Variants in MSTO1 observed in about 807,000 individuals in gnomAD.
MSTO1 encodes protein misato homolog 1.
MSTO1 carries 24 observed loss-of-function variants against 55.7 expected under a neutral mutation model. The ratio of observed to expected loss-of-function variants is 0.43; its 90% CI spans 0.31 to 0.61. The LOEUF (loss-of-function observed/expected upper bound fraction) is 0.61. Ranked by LOEUF, MSTO1 falls within the 20% of genes least tolerant of loss-of-function variation. The probability of loss-of-function intolerance (pLI) is 0.09; values close to 1 mark genes in which losing one functional copy is unlikely to be tolerated. For synonymous variants in MSTO1, 162 were observed against 252.8 expected (o/e 0.64, Z 3.41); for missense variants, 363 against 625.7 (o/e 0.58, Z 4.48).
At chr1:155,575,427 G>A in the MSTO1 span, among the ~76,000 whole-genome samples, 4 of 151,982 alleles carry the variant, frequency 2.6e-5, no homozygotes, top group Non-Finnish European at 5.9e-5. Context: ...AGAAATGCCT[G>A]CTCAAATCTT....
upstream of MSTO1, among the ~76,000 whole-genome samples, chr1:155,606,253 C>G (rs1455696750): frequency 2.6e-5 from 3 of 115,914 alleles, no homozygotes; most frequent in Admixed American, 1.2e-4. Flanking sequence ...AAGACGGGGT[C>G]TCGCCATGTT....
At chr1:155,602,137 T>C in the MSTO1 span, 1 of 712,356 alleles carries the variant, frequency 1.4e-6, no homozygotes, top group Admixed American at 1.8e-5. Context: ...AGCGCTTTGA[T>C]CAACCTTTAG....
At chr1:155,591,332 T>G in the MSTO1 span, 1 of 1,171,840 alleles carries the variant, frequency 8.5e-7, no homozygotes, top group East Asian at 2.5e-5. Flanking sequence ...CACTTAATAT[T>G]AACCATCACG....
chr1:155,611,824 A>G lies in MSTO1; in HGVS notation c.557A>G (p.Asp186Gly). 1 of 650,562 alleles carries G rather than the reference A, an allele frequency of 1.5e-6. No individual in the cohort carries two copies. Among genetic ancestry groups the G allele is most frequent in the Non-Finnish European group, 2.5e-6 (1 of 405,482 alleles). The allele number at this position is 650,562 out of a possible 1,614,324, so 40.3% of individuals were successfully genotyped here. The change falls in exon 6 of 14, where the codon GAT (aspartate) becomes GGT (glycine). Residue 186 changes from aspartate (D) to glycine (G), a missense_variant. Coordinates refer to ENST00000245564, the MANE Select transcript of MSTO1 (RefSeq NM_018116.4). The stretch of plus-strand genomic sequence containing the variant: ...TGTATGATTCAGAAGTACAACCACG[A>G]TGGGTATGGGGACCCCAGAGGCTTT... The part of the protein sequence containing the change: ...SICMIQKYNH[D>G]GEAGRLEAFG...
chr1:155,583,222 CT>C, the MSTO1 span, among the ~76,000 whole-genome samples: 7,660 of 133,760 alleles, frequency 0.057, 526 homozygotes, highest in African/African-American at 0.18. Context: ...GAAGGTATAT[CT>C]TTTTTTTTTT....
chr1:155,612,921 C>G lies in MSTO1; in HGVS notation c.1044C>G (p.Ser348=). ...DTVTVPYRLC[S]SPVSMVHLAD... Reference sequence around the variant, plus strand: ...TCACTGTTCCTTATCGCCTGTGTTCCTCTCCAGTTTCCATGGTTCATCTGG... The same window carrying G: ...TCACTGTTCCTTATCGCCTGTGTTCGTCTCCAGTTTCCATGGTTCATCTGG... Residue 348 remains serine, a synonymous_variant, in exon 10 of 14, where the codon TCC becomes TCG. Coordinates refer to ENST00000245564, the MANE Select transcript of MSTO1 (RefSeq NM_018116.4). 1 of 1,613,892 alleles carries G rather than the reference C, an allele frequency of 6.2e-7. No homozygotes were observed. Among genetic ancestry groups the G allele is most frequent in the Non-Finnish European group, 8.5e-7 (1 of 1,179,774 alleles).
chr1:155,567,570 G>A, the MSTO1 span, among the ~76,000 whole-genome samples: 3 of 151,972 alleles, frequency 2.0e-5, no homozygotes, highest in Non-Finnish European at 4.4e-5. Flanking sequence ...AAAGTGCTGG[G>A]ATTACAGGCG....
chr1:155,596,678 T>A, the MSTO1 span, among the ~76,000 whole-genome samples: 3 of 152,064 alleles, frequency 2.0e-5, no homozygotes, highest in African/African-American at 4.8e-5. Flanking sequence ...TCCAAGCTAC[T>A]CAAGAGGTTT....
At chr1:155,576,275 T>A in the MSTO1 span, among the ~76,000 whole-genome samples, 1 of 152,316 alleles carries the variant, frequency 6.6e-6, no homozygotes, top group Non-Finnish European at 1.5e-5. Context: ...AGTACAAGTG[T>A]CTGATTTGGA....
the MSTO1 span, among the ~76,000 whole-genome samples, chr1:155,567,308 A>ATTTTT: frequency 4.1e-5 from 5 of 123,414 alleles, no homozygotes; most frequent in African/African-American, 1.3e-4. Flanking sequence ...AATTTTTGTA[A>ATTTTT]TTTTTTTTTT....
the MSTO1 span, chr1:155,563,485 C>G: frequency 8.8e-6 from 4 of 456,582 alleles, no homozygotes; most frequent in South Asian, 6.2e-5. Context: ...CGAGGAAGAT[C>G]GGCGTGGTGG....
the MSTO1 span, among the ~76,000 whole-genome samples, chr1:155,586,308 G>T: frequency 6.6e-6 from 1 of 150,676 alleles, no homozygotes; most frequent in Non-Finnish European, 1.5e-5. Context: ...CTCCCTAAGT[G>T]CTGGGATTAC....
chr1:155,565,770 C>T, the MSTO1 span, among the ~76,000 whole-genome samples: 1 of 152,082 alleles, frequency 6.6e-6, no homozygotes, highest in Non-Finnish European at 1.5e-5. Context: ...TCTGTTTTTT[C>T]ATGTATGCCC....
upstream of MSTO1, among the ~76,000 whole-genome samples, chr1:155,609,375 A>C (rs535437002): frequency 4.0e-5 from 6 of 148,620 alleles, no homozygotes; most frequent in South Asian, 1.3e-3. Flanking sequence ...CCTCCCGAGT[A>C]GCTGGGACTA....
At chr1:155,584,687 A>AG in the MSTO1 span, among the ~76,000 whole-genome samples, 6 of 140,892 alleles carry the variant, frequency 4.3e-5, no homozygotes, top group Non-Finnish European at 7.7e-5. Flanking sequence ...AAAAAAAAAA[A>AG]AAAAAAAGAA....
the MSTO1 span, among the ~76,000 whole-genome samples, chr1:155,585,885 T>A: frequency 6.6e-6 from 1 of 152,102 alleles, no homozygotes; most frequent in African/African-American, 2.4e-5. Context: ...TTTGTTTCAG[T>A]TTTCCTATAT....
the MSTO1 span, chr1:155,563,671 G>A: frequency 2.4e-6 from 1 of 421,958 alleles, no homozygotes; most frequent in African/African-American, 2.0e-5. Flanking sequence ...TTCAGTTCTG[G>A]ACTTAGTCTC....
chr1:155,609,237 ATATATAT>A (rs1490732870), upstream of MSTO1, among the ~76,000 whole-genome samples: 9 of 49,114 alleles, frequency 1.8e-4, no homozygotes, highest in South Asian at 8.4e-4. Flanking sequence ...ATATATATAT[ATATATAT>A]TTTTTTTTTT....
chr1:155,596,166 A>G, the MSTO1 span, among the ~76,000 whole-genome samples: 1 of 152,192 alleles, frequency 6.6e-6, no homozygotes, highest in Non-Finnish European at 1.5e-5. Flanking sequence ...TTTTAAATAT[A>G]TCTCTAGCTT....
Sources: gnomAD v4.1 joint callset for allele counts (sites outside exome capture counted in the v4.1 genomes callset) on GRCh38, gnomAD v4.1.1 for gene constraint, MANE v1.5 for transcripts, NCBI Gene and HGNC (gene_info 2026-07-23, HGNC 2026-07-21) for gene names.